EPRS1: variants seen among roughly 807,000 people sequenced by gnomAD.
The protein encoded by EPRS1 is glutamyl-prolyl-tRNA synthetase 1, also known as bifunctional glutamate/proline--tRNA ligase.
A neutral mutation model predicts 188.3 loss-of-function variants in EPRS1; 107 were observed. The observed-to-expected ratio is 0.57, with a 90% CI of 0.49 to 0.67. The LOEUF is 0.67. Among genes scored for constraint, EPRS1 ranks in the 30% least tolerant of loss-of-function variants. EPRS1 has a pLI of 0.00. For synonymous variants in EPRS1, 596 were observed against 593.1 expected (o/e 1.00, Z -0.07); for missense variants, 1,577 against 1,802.2 (o/e 0.88, Z 2.26).
At chr1:220,026,431 A>C (rs1246790832) in intron 6 of EPRS1, among the ~76,000 whole-genome samples, 2 of 152,216 alleles carry the variant, frequency 1.3e-5, no homozygotes, top group Non-Finnish European at 2.9e-5. Flanking sequence ...TTGGGCTGAC[A>C]AGGCATGAAG....
At position 220,022,359 on chromosome 1, in the gene EPRS1, C is replaced by G; in HGVS notation, c.1103G>C (p.Gly368Ala). The change falls in exon 9 of 32, where the codon GGA becomes GCA. Residue 368 changes from glycine to alanine, a missense_variant. Transcript: ENST00000366923. ...RCKIQPHPRT[G>A]NKYNVYPTYD... The stretch of plus-strand genomic sequence containing the variant: ...GAGATATACTTACTTGTATTTATTT[C>G]CAGTTCTTGGATGTGGTTGAATTTT... 6.2e-7 allele frequency: 1 copy of G among 1,612,540 alleles called. No individual in the cohort carries two copies. The highest frequency in any genetic ancestry group is 1.7e-5 in the Admixed American group (1 of 59,690).
chr1:220,002,810 G>T (rs1248517591), intron 16 of EPRS1, among the ~76,000 whole-genome samples: 2 of 152,106 alleles, frequency 1.3e-5, no homozygotes, highest in Non-Finnish European at 2.9e-5. Context: ...CTGCACTCAA[G>T]TCTGGGTGAG....
chr1:220,016,517 C>A (rs1661717501), intron 12 of EPRS1, among the ~76,000 whole-genome samples: 1 of 150,776 alleles, frequency 6.6e-6, no homozygotes, highest in African/African-American at 2.4e-5. Flanking sequence ...CTCAAGTGAT[C>A]CTCCCACCTC....
intron 12 of EPRS1, among the ~76,000 whole-genome samples, chr1:220,014,914 A>G (rs1661673130): frequency 6.6e-6 from 1 of 152,244 alleles, no homozygotes; most frequent in Admixed American, 6.5e-5. Flanking sequence ...CTCTGCAGAA[A>G]ACCCTACTAT....
intron 17 of EPRS1, among the ~76,000 whole-genome samples, chr1:219,999,391 C>T (rs991200309): frequency 1.3e-5 from 2 of 152,096 alleles, no homozygotes; most frequent in African/African-American, 4.8e-5. Flanking sequence ...AGGGGGATCT[C>T]TGTGCCCTTT....
At chr1:220,013,802 C>T (rs1044152637) in intron 12 of EPRS1, among the ~76,000 whole-genome samples, 3 of 152,042 alleles carry the variant, frequency 2.0e-5, no homozygotes, top group African/African-American at 2.4e-5. Context: ...TGAAGGCCAG[C>T]AATAGAAACA....
At chr1:219,975,173 A>C (rs1401732156) in intron 28 of EPRS1, among the ~76,000 whole-genome samples, 1 of 152,186 alleles carries the variant, frequency 6.6e-6, no homozygotes, top group African/African-American at 2.4e-5. Flanking sequence ...AGCCCACAGC[A>C]GGGTGTCTGA....
intron 28 of EPRS1, among the ~76,000 whole-genome samples, chr1:219,973,889 G>C (rs1660721539): frequency 6.6e-6 from 1 of 152,032 alleles, no homozygotes; most frequent in African/African-American, 2.4e-5. Flanking sequence ...CAGATTTTGG[G>C]GTCCTGCCTC....
Position 219,988,688 on chromosome 1 carries a change from G to T in EPRS1, c.2677C>A (p.Pro893Thr), listed in dbSNP as rs147971538. Residue 893 changes from proline (P) to threonine (T), a missense_variant, in exon 19 of 32, where the codon CCT (proline) becomes ACT (threonine). Pro to Thr is a conservative substitution (Grantham distance 38, BLOSUM62 -1). Transcript: ENST00000366923. ...SDSSPTRNSEPAGLETPEAKV... is the reference protein window; with the variant it reads ...SDSSPTRNSETAGLETPEAKV... ...GCTTCTGGTGTTTCTAAACCAGCAG[G>T]TTCAGAATTTCTGGTTGGGCTTGAA... is the stretch of plus-strand genomic sequence containing the variant. 230 of 1,613,876 alleles carry T rather than the reference G, an allele frequency of 1.4e-4. No homozygotes were observed. The African/African-American group carries it at 2.4e-3, about 17-fold the overall frequency.
chr1:219,996,764 A>G (rs895871263), intron 18 of EPRS1, among the ~76,000 whole-genome samples: 19 of 152,200 alleles, frequency 1.2e-4, no homozygotes, highest in African/African-American at 4.6e-4. Context: ...ATAAGAGTAC[A>G]CTGAGTCTGT....
chr1:220,046,166 G>A (rs1294154813), intron 1 of EPRS1, among the ~76,000 whole-genome samples, 177 bp downstream of exon 1: 1 of 152,088 alleles, frequency 6.6e-6, no homozygotes, highest in Non-Finnish European at 1.5e-5. Flanking sequence ...TGCACCTGCC[G>A]GGGACACGGG....
chr1:220,016,691 G>T, intron 12 of EPRS1, among the ~76,000 whole-genome samples: 1 of 138,634 alleles, frequency 7.2e-6, no homozygotes, highest in African/African-American at 2.7e-5. Flanking sequence ...ACTGCTGGGA[G>T]TAGAGGCATG....
chr1:219,986,738 A>T (rs1289146738), intron 20 of EPRS1, among the ~76,000 whole-genome samples: 2 of 152,170 alleles, frequency 1.3e-5, no homozygotes, highest in Non-Finnish European at 1.5e-5. Context: ...CAATGTGTAT[A>T]ATTAGGCTAC....
intron 17 of EPRS1, among the ~76,000 whole-genome samples, chr1:219,997,789 G>C (rs1386000729): frequency 6.6e-6 from 1 of 152,128 alleles, no homozygotes; most frequent in African/African-American, 2.4e-5. Flanking sequence ...AAAGCCCTTA[G>C]TCACAAAGGC....
chr1:219,999,565 AC>A (rs1661303803), intron 17 of EPRS1, among the ~76,000 whole-genome samples: 1 of 152,112 alleles, frequency 6.6e-6, no homozygotes, highest in Non-Finnish European at 1.5e-5. Context: ...AAGTCTTATT[AC>A]CCTGCCACTG....
intron 12 of EPRS1, among the ~76,000 whole-genome samples, chr1:220,016,392 GA>G (rs34626963): frequency 0.81 from 107,556 of 132,308 alleles, 43,743 homozygotes; most frequent in East Asian, 0.93. Context: ...GTGGGGAGAG[GA>G]AAAAAAAAAA....
chr1:220,006,347 T>A (rs757920623), intron 14 of EPRS1, 34 bp from the exon 15 acceptor site: 1 of 932,368 alleles, frequency 1.1e-6, no homozygotes, highest in Non-Finnish European at 1.6e-6. Flanking sequence ...CAAAGAAATA[T>A]TAACCACAGC....
chr1:219,971,485 T>C (rs925407628), intron 30 of EPRS1, among the ~76,000 whole-genome samples: 2 of 152,062 alleles, frequency 1.3e-5, no homozygotes, highest in African/African-American at 4.8e-5. Context: ...GAAAGTTCAA[T>C]CAATTGAGAG....
intron 15 of EPRS1, 56 bp from the exon 16 acceptor site, chr1:220,005,416 A>G (rs1207960429): frequency 4.5e-6 from 4 of 891,114 alleles, no homozygotes; most frequent in Non-Finnish European, 7.0e-6. Context: ...TAGTAAAATA[A>G]CTCTAAAATG....
Sources: gnomAD v4.1 joint callset for allele counts (sites outside exome capture counted in the v4.1 genomes callset) on GRCh38, gnomAD v4.1.1 for gene constraint, MANE v1.5 for transcripts, NCBI Gene and HGNC (gene_info 2026-07-23, HGNC 2026-07-21) for gene names.